The following DLC1 variants were observed in gnomAD, a reference collection of about 807,000 sequenced individuals.
The protein encoded by DLC1 is DLC1 Rho GTPase activating protein, also known as rho GTPase-activating protein 7.
In DLC1, 54 loss-of-function variants were observed where a neutral mutation model predicts 140.3. That is an observed-to-expected ratio of 0.38 (90% CI 0.31 to 0.48). The LOEUF (loss-of-function observed/expected upper bound fraction) is 0.48. Among genes scored for constraint, DLC1 ranks in the 20% least tolerant of loss-of-function variants. The pLI is 0.96. For synonymous variants in DLC1, 986 were observed against 728.1 expected, an observed-to-expected ratio of 1.35 and a Z score of -5.70; for missense variants, 2,536 against 1,907.0, an observed-to-expected ratio of 1.33 and a Z score of -6.14.
chr8:13,479,832 G>GAAAGAAAGAAAGA (rs1563383439), intron 2 of DLC1, among the ~76,000 whole-genome samples: 13 of 20,106 alleles, frequency 6.5e-4, no homozygotes, highest in Admixed American at 6.3e-4. Context: ...AGAAGAAGAA[G>GAAAGAAAGAAAGA]AAGAAGAAGA....
intron 5 of DLC1, among the ~76,000 whole-genome samples, chr8:13,236,524 A>G (rs1030008221): frequency 1.3e-4 from 20 of 152,140 alleles, no homozygotes; most frequent in African/African-American, 4.8e-4. Context: ...AATTATGGAC[A>G]ATAATTAGTG....
rs75185273 is a variant in DLC1 at position 13,098,623 on chromosome 8, A to G, written c.2991-48T>C. 6.8e-3 allele frequency: 10,384 copies of G among 1,532,942 alleles called. 56 individuals are homozygous for G. The highest frequency in any genetic ancestry group is 0.016 in the South Asian group (1,276 of 79,948). 95.0% of individuals were successfully genotyped at this position (1,532,942 alleles called of 1,614,324 possible). On this transcript the variant is annotated intron_variant, in intron 9 of 17. Coordinates refer to ENST00000276297, the MANE Select transcript of DLC1 (RefSeq NM_182643.3). ...AATGAGTGTGAAGCCTTTTTATTTG[A>G]TTTTATTTATTTTATTTTTTCTTGC...
chr8:13,460,076 C>G (rs1314460055), intron 2 of DLC1, among the ~76,000 whole-genome samples: 1 of 152,162 alleles, frequency 6.6e-6, no homozygotes, highest in Non-Finnish European at 1.5e-5. Flanking sequence ...GGACTGGCAT[C>G]TAAGGCAGTG....
At position 13,556,425 on chromosome 8, in the gene DLC1, T is replaced by C. The variant is rs146410829; in HGVS notation, c.-126+48112A>G. ...GATTTAAAACTTATTGGGATTCATCTGGCCACTGGGGTTTTGACAAGTGAT... is the reference window on the plus strand; with the variant it reads ...GATTTAAAACTTATTGGGATTCATCCGGCCACTGGGGTTTTGACAAGTGAT... On this transcript the variant is annotated intron_variant, in intron 1 of 1. Coordinates refer to the DLC1 transcript ENST00000631382. Among the ~76,000 whole-genome samples the C allele has an allele frequency of 8.5e-5, 13 of 152,336 alleles. No homozygotes were observed. The East Asian group carries it at 2.3e-3, about 27-fold the overall frequency.
chr8:13,476,880 A>G lies in DLC1; in HGVS notation c.1023+22169T>C, dbSNP rs915069930. 3.0e-4 allele frequency among the ~76,000 whole-genome samples: 46 copies of G among 152,348 alleles called. 1 individual carries two copies. The highest frequency in any genetic ancestry group is 1.1e-3 in the African/African-American group (46 of 41,586). On this transcript the variant is annotated intron_variant, in intron 2 of 17. Transcript: ENST00000276297. ...CTTTTCATGTAAGTGAAATCAAAGA[A>G]GATGATTAAAATATCAGTGCCAAGG...
At chr8:13,443,195 G>A (rs999865875) in intron 2 of DLC1, among the ~76,000 whole-genome samples, 1 of 150,184 alleles carries the variant, frequency 6.7e-6, no homozygotes, top group East Asian at 2.0e-4. Flanking sequence ...CAGACACTGG[G>A]GCCTGTTGTG....
chr8:13,214,129 C>A (rs1406463116), intron 5 of DLC1: 2 of 154,402 alleles, frequency 1.3e-5, no homozygotes, highest in East Asian at 3.9e-4. Flanking sequence ...AGTACAATAT[C>A]CCAGGGCTTC....
At chr8:13,445,471 T>C (rs1016509057) in intron 2 of DLC1, among the ~76,000 whole-genome samples, 22 of 152,178 alleles carry the variant, frequency 1.4e-4, no homozygotes, top group Admixed American at 9.2e-4. Context: ...TCAGAGCCTG[T>C]AGTGTCCAAC....
intron 5 of DLC1, among the ~76,000 whole-genome samples, chr8:13,295,166 C>T (rs1454048997): frequency 1.3e-5 from 2 of 152,094 alleles, no homozygotes; most frequent in African/African-American, 4.8e-5. Context: ...ATGAACTGTG[C>T]TGTTATTTTC....
intron 1 of DLC1, among the ~76,000 whole-genome samples, chr8:13,532,089 G>C (rs781061564): frequency 2.0e-5 from 3 of 152,156 alleles, no homozygotes; most frequent in East Asian, 1.9e-4. Context: ...GGCTAGATTA[G>C]AGCCAAAAGA....
intron 5 of DLC1, among the ~76,000 whole-genome samples, chr8:13,272,214 A>G (rs1354112051): frequency 6.6e-6 from 1 of 151,928 alleles, no homozygotes; most frequent in Non-Finnish European, 1.5e-5. Context: ...TTGCGAGGCC[A>G]AAGTGGGTGG....
intron 5 of DLC1, among the ~76,000 whole-genome samples, chr8:13,303,353 T>C (rs1334665575): frequency 6.6e-6 from 1 of 152,176 alleles, no homozygotes; most frequent in Non-Finnish European, 1.5e-5. Context: ...TTCTTTTATG[T>C]GTGCCTCAGC....
intron 15 of DLC1, among the ~76,000 whole-genome samples, chr8:13,089,024 C>T (rs543181958): frequency 2.0e-5 from 3 of 152,066 alleles, no homozygotes; most frequent in African/African-American, 7.2e-5. Context: ...TTTGGGAAGC[C>T]GAGGCGGGTG....
chr8:13,107,708 A>T (rs1481397360), intron 7 of DLC1, among the ~76,000 whole-genome samples: 1 of 152,202 alleles, frequency 6.6e-6, no homozygotes, highest in Non-Finnish European at 1.5e-5. Flanking sequence ...TACAACAACT[A>T]TCTCAACTAC....
intron 16 of DLC1, 65 bp from the exon 17 acceptor site, chr8:13,086,528 T>G (rs1817579400): frequency 6.4e-7 from 1 of 1,565,480 alleles, no homozygotes; most frequent in Admixed American, 1.8e-5. Flanking sequence ...AAAATCGTGC[T>G]TCACTCTTCA....
chr8:13,128,813 C>T (rs901811790), intron 5 of DLC1, among the ~76,000 whole-genome samples: 21 of 142,352 alleles, frequency 1.5e-4, no homozygotes, highest in African/African-American at 5.3e-4. Flanking sequence ...CCAGCCTGGG[C>T]GACAGAGAGA....
At chr8:13,575,877 T>A (rs1804818888) in intron 1 of DLC1, among the ~76,000 whole-genome samples, 1 of 152,220 alleles carries the variant, frequency 6.6e-6, no homozygotes, top group African/African-American at 2.4e-5. Context: ...GTGGCTTTAG[T>A]ATGCACTGAG....
chr8:13,513,553 C>T (rs1032151525), intron 1 of DLC1, among the ~76,000 whole-genome samples: 7 of 152,016 alleles, frequency 4.6e-5, no homozygotes, highest in African/African-American at 1.7e-4. Flanking sequence ...ATTTTGTATT[C>T]ATCTAATAGA....
At chr8:13,454,209 C>T (rs1799286241) in intron 2 of DLC1, among the ~76,000 whole-genome samples, 1 of 151,632 alleles carries the variant, frequency 6.6e-6, no homozygotes, top group African/African-American at 2.4e-5. Flanking sequence ...TCCTGGGAAA[C>T]TTATACAAGG....
Sources: allele counts gnomAD v4.1 joint callset (sites outside exome capture counted in the v4.1 genomes callset), GRCh38; gene constraint gnomAD v4.1.1; transcripts MANE v1.5; gene names NCBI Gene and HGNC (gene_info 2026-07-23, HGNC 2026-07-21).